The following RPP30 variants were observed in gnomAD, a reference collection of about 807,000 sequenced individuals.
The protein encoded by RPP30 is ribonuclease P/MRP subunit p30.
RPP30 carries 36 observed loss-of-function variants against 38.6 expected under a neutral mutation model. The observed-to-expected ratio is 0.93, with a 90% CI of 0.71 to 1.23. RPP30 has a LOEUF of 1.23. Ranked by LOEUF, RPP30 falls within the 50% of genes most tolerant of loss-of-function variation. The pLI is 0.00. For synonymous variants in RPP30, 126 were observed against 112.7 expected (o/e 1.12, Z -0.75); for missense variants, 321 against 321.7 (o/e 1.00, Z 0.02).
chr10:90,885,832 T>C lies in RPP30; in HGVS notation c.363T>C (p.Asp121=), dbSNP rs1212582578. ...TACAGATTGCTTGCACACATTTAGA[T>C]GTGGATTTAGTCTGCATAACTGTAA... is the stretch of plus-strand genomic sequence containing the variant. ...KLFHIACTHL[D]VDLVCITVTE... is the part of the protein sequence containing the mutation. Residue 121 remains aspartate, a synonymous_variant, in exon 6 of 11, where the codon GAT becomes GAC. Transcript: ENST00000371703. 8.1e-6 allele frequency: 13 copies of C among 1,610,198 alleles called. No homozygotes were observed. Among genetic ancestry groups the C allele is most frequent in the Non-Finnish European group, 1.1e-5 (13 of 1,178,636 alleles).
intron 6 of RPP30, among the ~76,000 whole-genome samples, chr10:90,893,363 T>C (rs375626490): frequency 6.6e-6 from 1 of 152,172 alleles, no homozygotes; most frequent in African/African-American, 2.4e-5. Context: ...ACTTATACTC[T>C]GGGCAATCGA....
At chr10:90,896,424 G>GTCATGTTA in intron 10 of RPP30, 32 bp downstream of exon 10, 1 of 1,573,976 alleles carries the variant, frequency 6.4e-7, no homozygotes, top group East Asian at 2.2e-5. Context: ...AAACTGAATG[G>GTCATGTTA]TCATGTTAAA....
chr10:90,894,369 T>C (rs956871689), intron 6 of RPP30, among the ~76,000 whole-genome samples: 2 of 152,218 alleles, frequency 1.3e-5, no homozygotes, highest in South Asian at 2.1e-4. Context: ...TCTTTGTCTC[T>C]TTGTGCATTC....
chr10:90,894,874 C>G lies in RPP30; in HGVS notation c.532C>G (p.Gln178Glu), dbSNP rs1228006734. Residue 178 changes from glutamine (Q) to glutamate (E), a missense_variant, in exon 7 of 11, where the codon CAA becomes GAA. Transcript: ENST00000371703. ...AATTTCCAGTGCCCTCAATTTGATG[C>G]AAATCTGCAAAGGAAAGGTATGGTT... ...YTISSALNLMQICKGKNVIIS... is the reference protein window; with the variant it reads ...YTISSALNLMEICKGKNVIIS... The G allele has an allele frequency of 1.2e-6, 2 of 1,606,254 alleles. No homozygotes were observed. The highest frequency in any genetic ancestry group is 1.7e-6 in the Non-Finnish European group (2 of 1,173,012).
intron 6 of RPP30, among the ~76,000 whole-genome samples, chr10:90,892,520 A>T (rs539093610): frequency 6.1e-4 from 93 of 151,942 alleles, no homozygotes; most frequent in African/African-American, 2.2e-3. Context: ...AGTTGTTTTT[A>T]TTTTGATTTG....
At chr10:90,883,310 G>A (rs1234376871) in intron 5 of RPP30, among the ~76,000 whole-genome samples, 5 of 150,778 alleles carry the variant, frequency 3.3e-5, no homozygotes, top group African/African-American at 9.7e-5. Context: ...AAAAAAATTG[G>A]TATGGACAAC....
intron 6 of RPP30, among the ~76,000 whole-genome samples, chr10:90,893,234 C>T (rs2120220141): frequency 6.6e-6 from 1 of 152,222 alleles, no homozygotes; most frequent in South Asian, 2.1e-4. Flanking sequence ...GCAGAAGGGG[C>T]CTTCAAGTAC....
chr10:90,881,913 A>T (rs953561284), intron 5 of RPP30, among the ~76,000 whole-genome samples: 2 of 152,156 alleles, frequency 1.3e-5, no homozygotes, highest in Non-Finnish European at 2.9e-5. Context: ...GTAGTATAAA[A>T]TCGAACCATC....
downstream of RPP30, among the ~76,000 whole-genome samples, chr10:90,904,850 T>C (rs1386680617): frequency 6.6e-6 from 1 of 152,158 alleles, no homozygotes; most frequent in Non-Finnish European, 1.5e-5. Context: ...ATTTATTACT[T>C]CATTATATTA....
rs370845900 is a variant in RPP30 at position 90,872,068 on chromosome 10, C to A, written c.82C>A (p.Leu28Ile). The change falls in exon 1 of 11, where the codon CTT becomes ATT. Residue 28 changes from leucine (L) to isoleucine (I), a missense_variant and splice_region_variant. Transcript: ENST00000371703. ...LRGLVETAAH[L>I]GYSVVAINHI... is the part of the protein sequence containing the mutation. ...CGGACTTGTGGAGACAGCCGCTCAC[C>A]GTGAGTTGCCCCGGCTTCGCGCCTG... 2.5e-6 allele frequency: 4 copies of A among 1,613,752 alleles called. No individual in the cohort carries two copies. The African/African-American group carries it at 4.0e-5, about 16-fold the overall frequency.
chr10:90,873,920 A>T (rs1378733712), intron 1 of RPP30, among the ~76,000 whole-genome samples: 2 of 152,206 alleles, frequency 1.3e-5, no homozygotes, highest in Non-Finnish European at 2.9e-5. Flanking sequence ...TATAAAAAAC[A>T]TGTATTTATA....
At position 90,879,154 on chromosome 10, in the gene RPP30, A is replaced by G. The variant is rs369794466; in HGVS notation, c.342+20A>G. The G allele has an allele frequency of 6.3e-7, 1 of 1,581,688 alleles. No individual in the cohort carries two copies. Among genetic ancestry groups the G allele is most frequent in the African/African-American group, 1.3e-5 (1 of 74,212 alleles). ...TTTCATGTGAGTAACAGATAAGTAA[A>G]AGAAAGTAGTGTATATATGTTATAT... On this transcript the variant is annotated intron_variant, in intron 5 of 10. Transcript: ENST00000371703.
At chr10:90,903,643 C>T (rs1847226406), downstream of RPP30, among the ~76,000 whole-genome samples, 1 of 152,184 alleles carries the variant, frequency 6.6e-6, no homozygotes, top group Non-Finnish European at 1.5e-5. Flanking sequence ...ATAGCAGAGG[C>T]AAGTTTCCTT....
chr10:90,903,384 C>A, downstream of RPP30: 1 of 646,102 alleles, frequency 1.5e-6, no homozygotes. Flanking sequence ...AGTGATGTAC[C>A]AGCTACAGTT....
rs572054047 is a variant in RPP30 at position 90,892,860 on chromosome 10, A to G, written c.433-1915A>G. Among the ~76,000 whole-genome samples, 337 of 152,356 alleles carry G rather than the reference A, an allele frequency of 2.2e-3. 1 individual carries two copies. The highest frequency in any genetic ancestry group is 0.01 in the Middle Eastern group (3 of 294). On this transcript the variant is annotated intron_variant, in intron 6 of 10. Coordinates refer to ENST00000371703, the MANE Select transcript of RPP30 (RefSeq NM_006413.5). Reference sequence around the variant, plus strand: ...ATCATCTATAATGAACAACGTTATCACAGGACATCTTCTCCATAAGCTGCT... The same window carrying G: ...ATCATCTATAATGAACAACGTTATCGCAGGACATCTTCTCCATAAGCTGCT...
intron 6 of RPP30, among the ~76,000 whole-genome samples, chr10:90,891,740 T>C (rs1300642745): frequency 2.0e-5 from 3 of 152,204 alleles, no homozygotes; most frequent in Admixed American, 2.0e-4. Context: ...AAATAGTATC[T>C]CTTCGTATTT....
chr10:90,883,407 A>G lies in RPP30; in HGVS notation c.343-2405A>G, dbSNP rs1191919977. Among the ~76,000 whole-genome samples, 3 of 152,294 alleles carry G rather than the reference A, an allele frequency of 2.0e-5. No individual in the cohort carries two copies. In the East Asian group the frequency reaches 5.8e-4, roughly 29 times the overall value. ...CCAAGGCTCTATTGGGCATAATTTA[A>G]TCTTCTAAAATGATATAGAAAGCGT... On this transcript the variant is annotated intron_variant, in intron 5 of 10. Transcript: ENST00000371703.
At chr10:90,889,847 C>T (rs1481025910) in intron 6 of RPP30, among the ~76,000 whole-genome samples, 1 of 152,134 alleles carries the variant, frequency 6.6e-6, no homozygotes, top group African/African-American at 2.4e-5. Context: ...TATGCAATTT[C>T]CTCTAAAATC....
At chr10:90,872,408 C>T (rs1009272470) in intron 1 of RPP30, among the ~76,000 whole-genome samples, 1 of 152,042 alleles carries the variant, frequency 6.6e-6, no homozygotes. Context: ...ACTATCAGCC[C>T]TTCCTGATTC....
Sources: allele counts gnomAD v4.1 joint callset (sites outside exome capture counted in the v4.1 genomes callset), GRCh38; gene constraint gnomAD v4.1.1; transcripts MANE v1.5; gene names NCBI Gene and HGNC (gene_info 2026-07-23, HGNC 2026-07-21).